The following NRG3 variants were observed in gnomAD, a reference collection of about 807,000 sequenced individuals.
The protein encoded by NRG3 is pro-neuregulin-3, membrane-bound isoform.
Under a neutral mutation model 66.9 loss-of-function variants are expected in NRG3, and 31 were observed. That is an observed-to-expected ratio of 0.46 (90% confidence interval 0.35 to 0.63). NRG3 has a LOEUF of 0.63. Among genes scored for constraint, NRG3 ranks in the 20% least tolerant of loss-of-function variants. The pLI is 0.00. For missense variants in NRG3, 910 were observed against 878.9 expected (o/e 1.04, Z -0.45); for synonymous variants, 393 against 359.4 (o/e 1.09, Z -1.06).
At chr10:81,946,357 T>C (rs746305399) in intron 1 of NRG3, among the ~76,000 whole-genome samples, 1 of 152,190 alleles carries the variant, frequency 6.6e-6, no homozygotes, top group Non-Finnish European at 1.5e-5. Flanking sequence ...AGATAAGTCC[T>C]GCTGTTTAAG....
intron 1 of NRG3, among the ~76,000 whole-genome samples, chr10:82,043,010 T>TAGATATGTAG: frequency 6.6e-6 from 1 of 152,144 alleles, no homozygotes; most frequent in Middle Eastern, 3.4e-3. Context: ...TATTTGTCAT[T>TAGATATGTAG]AGATATGTAG....
intron 4 of NRG3, among the ~76,000 whole-genome samples, chr10:82,933,572 C>T (rs1847786865): frequency 6.6e-6 from 1 of 152,130 alleles, no homozygotes; most frequent in Non-Finnish European, 1.5e-5. Context: ...TGTAATTGTG[C>T]CTCATTCGTC....
chr10:82,375,317 C>T (rs1266617824), intron 2 of NRG3, among the ~76,000 whole-genome samples: 2 of 152,082 alleles, frequency 1.3e-5, no homozygotes, highest in African/African-American at 4.8e-5. Context: ...GCGGGCGGAT[C>T]ACGAGGTCAG....
chr10:82,540,761 G>T (rs1197887855), intron 2 of NRG3, among the ~76,000 whole-genome samples: 1 of 152,268 alleles, frequency 6.6e-6, no homozygotes, highest in East Asian at 1.9e-4. Flanking sequence ...TATGGAAATA[G>T]AAAACATTAG....
At chr10:82,011,372 T>A (rs2061567898) in intron 1 of NRG3, among the ~76,000 whole-genome samples, 1 of 152,114 alleles carries the variant, frequency 6.6e-6, no homozygotes, top group Non-Finnish European at 1.5e-5. Flanking sequence ...CCTTGACAAA[T>A]GGGATTATTA....
intron 2 of NRG3, among the ~76,000 whole-genome samples, chr10:82,723,388 G>A (rs2057415105): frequency 6.6e-6 from 1 of 151,922 alleles, no homozygotes; most frequent in Non-Finnish European, 1.5e-5. Flanking sequence ...TGGGTAATGG[G>A]GTCGATTGAA....
chr10:82,248,086 C>T (rs1459709010), intron 1 of NRG3, among the ~76,000 whole-genome samples: 1 of 152,140 alleles, frequency 6.6e-6, no homozygotes, highest in Non-Finnish European at 1.5e-5. Flanking sequence ...TCTTATTACT[C>T]ATCCACTCTT....
intron 1 of NRG3, among the ~76,000 whole-genome samples, chr10:81,910,577 T>TGTCAAGGAAGCCTTCTTC (rs1845040065): frequency 6.6e-6 from 1 of 152,242 alleles, no homozygotes; most frequent in African/African-American, 2.4e-5. Context: ...GTTGCCTGTT[T>TGTCAAGGAAGCCTTCTTC]GTCAAGGAAG....
chr10:81,944,638 A>G (rs568760167), intron 1 of NRG3, among the ~76,000 whole-genome samples: 1 of 152,298 alleles, frequency 6.6e-6, no homozygotes, highest in South Asian at 2.1e-4. Context: ...GATATGCCTC[A>G]TCTTTTGTGG....
At chr10:82,290,878 C>T (rs6584625) in intron 1 of NRG3, among the ~76,000 whole-genome samples, 22,347 of 151,126 alleles carry the variant, frequency 0.15, 3,807 homozygotes, top group African/African-American at 0.41. Context: ...CTCCTGACAT[C>T]GTGATCTGCC....
chr10:82,731,755 C>G (rs1174800105), intron 2 of NRG3, among the ~76,000 whole-genome samples: 1 of 152,194 alleles, frequency 6.6e-6, no homozygotes, highest in South Asian at 2.1e-4. Flanking sequence ...ATATCTCTTC[C>G]ACATACTAAT....
chr10:82,743,770 G>A (rs887248071), intron 3 of NRG3, among the ~76,000 whole-genome samples: 3 of 152,172 alleles, frequency 2.0e-5, no homozygotes, highest in African/African-American at 7.2e-5. Flanking sequence ...AGCCTGGGTA[G>A]GCATTTGCTA....
At chr10:82,347,198 G>A (rs1019305268) in intron 1 of NRG3, among the ~76,000 whole-genome samples, 14 of 146,454 alleles carry the variant, frequency 9.6e-5, no homozygotes, top group African/African-American at 3.2e-4. Context: ...TCTCTTGTGG[G>A]CATTTAGTGC....
At chr10:82,656,653 C>G (rs1456087623) in intron 2 of NRG3, among the ~76,000 whole-genome samples, 1 of 152,090 alleles carries the variant, frequency 6.6e-6, no homozygotes, top group African/African-American at 2.4e-5. Flanking sequence ...AAGCCTCTGT[C>G]TTTGCATCTC....
chr10:82,003,359 G>A (rs2061248573), intron 1 of NRG3, among the ~76,000 whole-genome samples: 1 of 152,122 alleles, frequency 6.6e-6, no homozygotes, highest in African/African-American at 2.4e-5. Flanking sequence ...AAACATTGGG[G>A]TTTTTATAGA....
At chr10:82,104,177 AT>A (rs1374527108) in intron 1 of NRG3, among the ~76,000 whole-genome samples, 2 of 152,074 alleles carry the variant, frequency 1.3e-5, no homozygotes, top group African/African-American at 2.4e-5. Context: ...CTGTTCAGAG[AT>A]TTTAGCCATA....
At chr10:82,278,171 C>G (rs529537071) in intron 1 of NRG3, among the ~76,000 whole-genome samples, 1 of 152,148 alleles carries the variant, frequency 6.6e-6, no homozygotes, top group African/African-American at 2.4e-5. Context: ...ATTAGCTAAA[C>G]CTCCAAGAAA....
chr10:82,875,517 G>A (rs1182720526), intron 4 of NRG3, among the ~76,000 whole-genome samples: 2 of 152,018 alleles, frequency 1.3e-5, no homozygotes, highest in Non-Finnish European at 2.9e-5. Flanking sequence ...GGCACCATGT[G>A]CAGCTAATTT....
chr10:82,240,293 A>C (rs1039640585), intron 1 of NRG3, among the ~76,000 whole-genome samples: 2 of 152,202 alleles, frequency 1.3e-5, no homozygotes, highest in Non-Finnish European at 2.9e-5. Flanking sequence ...TTGGTAAATT[A>C]TATGCATTTG....
Sources: allele counts gnomAD v4.1 joint callset (sites outside exome capture counted in the v4.1 genomes callset), GRCh38; gene constraint gnomAD v4.1.1; transcripts MANE v1.5; gene names NCBI Gene and HGNC (gene_info 2026-07-23, HGNC 2026-07-21).